PRRX2: variants seen among roughly 807,000 people sequenced by gnomAD.
PRRX2 encodes the protein paired related homeobox 2, also known as paired mesoderm homeobox protein 2.
A neutral mutation model predicts 18.0 loss-of-function variants in PRRX2; 11 were observed. The ratio of observed to expected loss-of-function variants is 0.61; its 90% CI spans 0.39 to 1.01. The LOEUF (loss-of-function observed/expected upper bound fraction) is 1.01. Ranked by LOEUF, PRRX2 falls within the 50% of genes least tolerant of loss-of-function variation. PRRX2 has a pLI of 0.01. For synonymous variants in PRRX2, 177 were observed against 154.8 expected (o/e 1.14, Z -1.06); for missense variants, 387 against 351.0 (o/e 1.10, Z -0.82).
At chr9:129,668,807 GA>G (rs1832061829) in intron 1 of PRRX2, among the ~76,000 whole-genome samples, 3 of 144,884 alleles carry the variant, frequency 2.1e-5, no homozygotes, top group African/African-American at 7.7e-5. Flanking sequence ...AAGAAAGAAA[GA>G]AAAGAAAAGA....
chr9:129,684,532 A>ACACACACACACACACCCCCCC (rs1165343797), intron 1 of PRRX2, among the ~76,000 whole-genome samples: 1 of 140,282 alleles, frequency 7.1e-6, no homozygotes, highest in Non-Finnish European at 1.5e-5. Flanking sequence ...ACCCACACAC[A>ACACACACACACACACCCCCCC]CCCCAACAGA....
At position 129,722,270 on chromosome 9, in the gene PRRX2, A is replaced by G. The variant is rs779219560; in HGVS notation, c.680A>G (p.Asn227Ser). The change falls in exon 4 of 4, where the codon AAC (asparagine) becomes AGC (serine). Residue 227 changes from asparagine to serine, a missense_variant. Coordinates refer to ENST00000372469, the MANE Select transcript of PRRX2 (RefSeq NM_016307.4). ...TCAGGCCCCGCAACCCCAGGGGTCA[A>G]CATGGCCAACAGCATCGCCAGCCTC... Reference protein sequence around the residue: ...GSSGPATPGVNMANSIASLRL... With the variant: ...GSSGPATPGVSMANSIASLRL... The G allele has an allele frequency of 1.9e-6, 3 of 1,614,008 alleles. No individual in the cohort carries two copies. The highest frequency in any genetic ancestry group is 1.1e-5 in the South Asian group (1 of 91,084).
intron 2 of PRRX2, 109 bp downstream of exon 2, chr9:129,719,527 T>C: frequency 7.6e-7 from 1 of 1,316,476 alleles, no homozygotes; most frequent in Non-Finnish European, 9.9e-7. Flanking sequence ...AGCAGGAGCA[T>C]CTGAGGCCAG....
chr9:129,722,074 C>A, intron 3 of PRRX2, 143 bp from the exon 4 acceptor site: 1 of 1,222,236 alleles, frequency 8.2e-7, no homozygotes, highest in Non-Finnish European at 1.1e-6. Flanking sequence ...AACCCTACAG[C>A]TCCAAATCAC....
intron 1 of PRRX2, among the ~76,000 whole-genome samples, chr9:129,683,651 C>T (rs901226284): frequency 6.6e-6 from 1 of 152,132 alleles, no homozygotes; most frequent in Admixed American, 6.5e-5. Flanking sequence ...AGGAGAATGG[C>T]GGGAACCCGG....
At chr9:129,684,495 CA>C (rs1564147388) in intron 1 of PRRX2, among the ~76,000 whole-genome samples, 2 of 91,190 alleles carry the variant, frequency 2.2e-5, no homozygotes, top group Non-Finnish European at 4.6e-5. Context: ...CACACACACA[CA>C]CACACACACA....
intron 1 of PRRX2, chr9:129,712,822 A>C (rs1268326405): frequency 6.6e-6 from 1 of 152,222 alleles, no homozygotes; most frequent in Non-Finnish European, 1.5e-5. Context: ...CCCTCCTTGG[A>C]GAGTGCAGAC....
intron 1 of PRRX2, among the ~76,000 whole-genome samples, chr9:129,707,138 C>G (rs960028463): frequency 2.0e-5 from 3 of 152,076 alleles, no homozygotes; most frequent in Admixed American, 1.3e-4. Flanking sequence ...CACCTGTAAT[C>G]TCAGCTACTT....
At chr9:129,713,895 G>T in intron 1 of PRRX2, among the ~76,000 whole-genome samples, 1 of 150,954 alleles carries the variant, frequency 6.6e-6, no homozygotes, top group East Asian at 2.0e-4. Flanking sequence ...CGCCTGCCTC[G>T]ACCTCCCAAA....
intron 1 of PRRX2, 69 bp from the exon 2 acceptor site, chr9:129,719,162 T>G: frequency 7.2e-7 from 1 of 1,397,316 alleles, no homozygotes; most frequent in Non-Finnish European, 9.5e-7. Context: ...AACTGCAGAG[T>G]TGGGGGCTGA....
chr9:129,720,626 C>T lies in PRRX2; in HGVS notation c.478C>T (p.Arg160Cys), dbSNP rs773912196. The T allele has an allele frequency of 2.5e-6, 4 of 1,612,592 alleles. No individual in the cohort carries two copies. Among genetic ancestry groups the T allele is most frequent in the Non-Finnish European group, 3.4e-6 (4 of 1,179,226 alleles). The change falls in exon 3 of 4, where the codon CGC becomes TGC. Residue 160 changes from arginine (R) to cysteine (C), a missense_variant. By Grantham distance (180) the Arg-to-Cys change is radical (BLOSUM62 -3). Transcript: ENST00000372469. ...VWFQNRRAKF[R>C]RNERAMLASR... ...GTTTCAGAACCGCCGCGCCAAGTTC[C>T]GCAGGAATGAAAGGGCCATGCTGGC...
At chr9:129,704,431 T>C (rs1367643603) in intron 1 of PRRX2, among the ~76,000 whole-genome samples, 4 of 152,102 alleles carry the variant, frequency 2.6e-5, no homozygotes, top group African/African-American at 9.7e-5. Flanking sequence ...ATTTTTCTCA[T>C]TCTCAGATGC....
chr9:129,666,163 CGGGGCCGGGGCCGGGGCCGGGGCGCG>C lies in PRRX2; in HGVS notation c.259+41_259+66del, dbSNP rs1015153823. On this transcript the variant is annotated intron_variant, in intron 1 of 3. Transcript: ENST00000372469. ...CGGCCAGGGACGGGGGTGGCGGGGC[CGGGGCCGGGGCCGGGGCCGGGGCGCG>C]GGGTCCGGGGAGCCGGCGCGGGGCG... 7.0e-6 allele frequency: 4 copies of C among 574,430 alleles called. No homozygotes were observed. In the African/African-American group the frequency reaches 7.4e-5, roughly 11 times the overall value. 35.6% of individuals were successfully genotyped at this position (574,430 alleles called of 1,614,324 possible).
At chr9:129,692,766 T>C (rs1832376788) in intron 1 of PRRX2, among the ~76,000 whole-genome samples, 1 of 152,234 alleles carries the variant, frequency 6.6e-6, no homozygotes. Context: ...TATTCCTTTG[T>C]CTGGATGTAG....
At chr9:129,681,592 A>G (rs985376133) in intron 1 of PRRX2, among the ~76,000 whole-genome samples, 11 of 152,044 alleles carry the variant, frequency 7.2e-5, no homozygotes, top group Non-Finnish European at 1.2e-4. Flanking sequence ...GCAGGTGGGG[A>G]GATGCCCGTG....
intron 1 of PRRX2, among the ~76,000 whole-genome samples, chr9:129,680,414 AAAG>A (rs1212833969): frequency 6.9e-5 from 9 of 130,980 alleles, no homozygotes; most frequent in African/African-American, 1.2e-4. Context: ...AAAAAAAAAA[AAAG>A]AAAAGAAAAG....
At chr9:129,700,323 G>A (rs1283055358) in intron 1 of PRRX2, among the ~76,000 whole-genome samples, 1 of 149,132 alleles carries the variant, frequency 6.7e-6, no homozygotes, top group African/African-American at 2.5e-5. Flanking sequence ...ATTTTTTTTT[G>A]GTTTGTTGTT....
chr9:129,665,969 G>T lies in PRRX2; in HGVS notation c.102G>T (p.Ala34=), dbSNP rs1214113672. The T allele has an allele frequency of 8.8e-7, 1 of 1,142,286 alleles. No homozygotes were observed. The highest frequency in any genetic ancestry group is 1.1e-6 in the Non-Finnish European group (1 of 924,460). The allele number at this position is 1,142,286 out of a possible 1,614,324, so 70.8% of individuals were successfully genotyped here. ...TGGGGCCCGGCGACTGCGCCCAGGC[G>T]CGCAAGAACTTCTCGGTGAGCCACC... ...PALGPGDCAQ[A]RKNFSVSHLL... is the part of the protein sequence containing the mutation. Residue 34 remains alanine, a synonymous_variant, in exon 1 of 4, where the codon GCG becomes GCT. Transcript: ENST00000372469. The surrounding 1 kb of genome is among the most constrained non-coding windows in gnomAD (Gnocchi z 5.3).
chr9:129,692,675 T>G (rs1172521418), intron 1 of PRRX2, among the ~76,000 whole-genome samples: 2 of 152,236 alleles, frequency 1.3e-5, no homozygotes, highest in East Asian at 1.9e-4. Context: ...GAGGTTGGCT[T>G]CTTTCACTTA....
Sources: gnomAD v4.1 joint callset for allele counts (sites outside exome capture counted in the v4.1 genomes callset) on GRCh38, gnomAD v4.1.1 for gene constraint, Gnocchi (gnomAD v3.1) non-coding constraint, MANE v1.5 for transcripts, NCBI Gene and HGNC (gene_info 2026-07-23, HGNC 2026-07-21) for gene names.